PCDHA3: variants seen among roughly 807,000 people sequenced by gnomAD.
PCDHA3 encodes protocadherin alpha-3.
PCDHA3 carries 41 observed loss-of-function variants against 62.2 expected under a neutral mutation model. That is an observed-to-expected ratio of 0.66 (90% confidence interval 0.51 to 0.86). PCDHA3 has a LOEUF of 0.86. Among genes scored for constraint, PCDHA3 ranks in the 40% least tolerant of loss-of-function variants. The probability of loss-of-function intolerance (pLI) is 0.00; values close to 1 mark genes in which losing one functional copy is unlikely to be tolerated. For synonymous variants in PCDHA3, 640 were observed against 555.4 expected, an observed-to-expected ratio of 1.15 and a Z score of -2.14; for missense variants, 1,304 against 1,241.2, an observed-to-expected ratio of 1.05 and a Z score of -0.76.
chr5:140,993,408 A>G (rs985721464), intron 3 of PCDHA3, among the ~76,000 whole-genome samples: 1 of 150,930 alleles, frequency 6.6e-6, no homozygotes, highest in African/African-American at 2.4e-5. Flanking sequence ...AACCACCTTC[A>G]TCAGCATTTC....
intron 1 of PCDHA3, among the ~76,000 whole-genome samples, chr5:140,941,208 T>TTCCTTTCTTTCTTTCTTTCTTTCG (rs2092839762): frequency 9.1e-6 from 1 of 109,450 alleles, no homozygotes; most frequent in Non-Finnish European, 2.0e-5. Context: ...TCTTCCTTTC[T>TTCCTTTCTTTCTTTCTTTCTTTCG]TTCTTCCTTT....
At chr5:140,872,270 T>G (rs1246364406) in intron 1 of PCDHA3, among the ~76,000 whole-genome samples, 1 of 152,172 alleles carries the variant, frequency 6.6e-6, no homozygotes, top group African/African-American at 2.4e-5. Context: ...TCATATTGTT[T>G]GAAGAAAAAA....
rs148598290 is a variant in PCDHA3, at chr5:140,857,464, C to G, written c.2394+53873C>G. 181 of 1,598,526 alleles carry G rather than the reference C, an allele frequency of 1.1e-4. 14 individuals carry two copies. Among genetic ancestry groups the G allele is most frequent in the Non-Finnish European group, 1.1e-4 (129 of 1,167,932 alleles). On this transcript the variant is annotated intron_variant, in intron 1 of 3. Transcript: ENST00000522353. ...AGGAGAACAACCCGCCAGGCTGCCA[C>G]ATCTTCACGGTGTCTGCGTGGGACG...
At chr5:140,837,012 C>T in intron 1 of PCDHA3, 1 of 303,606 alleles carries the variant, frequency 3.3e-6, no homozygotes, top group South Asian at 7.9e-5. Context: ...AATGGATTCA[C>T]CTTTCTTCTA....
At chr5:140,875,395 GT>G in intron 1 of PCDHA3, 1 of 1,478,260 alleles carries the variant, frequency 6.8e-7, no homozygotes, top group African/African-American at 1.4e-5. Context: ...ACAGAAAAGG[GT>G]GACTGCTCAT....
At chr5:140,871,116 C>T (rs200344692) in intron 1 of PCDHA3, 44 of 1,613,146 alleles carry the variant, frequency 2.7e-5, no homozygotes, top group Non-Finnish European at 3.6e-5. Flanking sequence ...TGGTGGAGAG[C>T]GGACAGGCGC....
At chr5:140,959,428 A>AT (rs2095488424) in intron 1 of PCDHA3, among the ~76,000 whole-genome samples, 1 of 152,102 alleles carries the variant, frequency 6.6e-6, no homozygotes, top group Non-Finnish European at 1.5e-5. Context: ...GAATTTGTGT[A>AT]TTTTTTTCTA....
chr5:141,003,540 T>A (rs2098129225), intron 3 of PCDHA3, among the ~76,000 whole-genome samples: 1 of 152,188 alleles, frequency 6.6e-6, no homozygotes, highest in Non-Finnish European at 1.5e-5. Flanking sequence ...CTTGAACTCC[T>A]GGCTTCAAGT....
At chr5:140,932,192 T>C (rs1359260162) in intron 1 of PCDHA3, among the ~76,000 whole-genome samples, 4 of 151,968 alleles carry the variant, frequency 2.6e-5, no homozygotes, top group African/African-American at 9.6e-5. Context: ...GTCCATTTTT[T>C]TCTGTTAATA....
At chr5:140,916,273 G>C (rs962847536) in intron 1 of PCDHA3, among the ~76,000 whole-genome samples, 7 of 152,176 alleles carry the variant, frequency 4.6e-5, no homozygotes, top group African/African-American at 1.7e-4. Flanking sequence ...CATGCTTGTT[G>C]CTCTACTCCA....
At chr5:140,975,784 A>G (rs1216156931) in intron 1 of PCDHA3, among the ~76,000 whole-genome samples, 1 of 151,914 alleles carries the variant, frequency 6.6e-6, no homozygotes, top group Non-Finnish European at 1.5e-5. Flanking sequence ...CCATTACAAG[A>G]TAAATTAAAT....
At chr5:140,870,465 C>T (rs781918898) in intron 1 of PCDHA3, 1 of 1,614,208 alleles carries the variant, frequency 6.2e-7, no homozygotes, top group Non-Finnish European at 8.5e-7. Context: ...CGCCTGCGTT[C>T]GCACAGCCCG....
rs782779617 is a variant in PCDHA3 at position 140,857,239 on chromosome 5, G to C, written c.2394+53648G>C. On this transcript the variant is annotated intron_variant, in intron 1 of 3. Coordinates refer to ENST00000522353, the MANE Select transcript of PCDHA3 (RefSeq NM_018906.3). ...CGCCTCACGTTCCGTTCAAGCTGGT[G>C]TCCACCTACAAGAATTACTACTCAT... is the stretch of plus-strand genomic sequence containing the variant. The C allele has an allele frequency of 6.9e-6, 11 of 1,598,550 alleles. 2 individuals carry two copies. The highest frequency in any genetic ancestry group is 7.7e-6 in the Non-Finnish European group (9 of 1,167,946).
chr5:140,972,623 T>C (rs1554234256), intron 1 of PCDHA3, among the ~76,000 whole-genome samples: 1 of 151,938 alleles, frequency 6.6e-6, no homozygotes, highest in African/African-American at 2.4e-5. Context: ...TGAATGTTGT[T>C]GGCACTCCCT....
chr5:140,852,214 AT>A lies in PCDHA3; in HGVS notation c.2394+48627del, dbSNP rs1374970785. 2.5e-5 allele frequency: 16 copies of A among 644,870 alleles called. No individual in the cohort carries two copies. The South Asian group carries it at 1.1e-3, about 44-fold the overall frequency. The allele number at this position is 644,870 out of a possible 1,614,324, so 39.9% of individuals were successfully genotyped here. A position where few individuals can be genotyped will look rare whatever the true frequency, so the allele number is the denominator to read the frequency against. On this transcript the variant is annotated intron_variant, in intron 1 of 3. Transcript: ENST00000522353. ...CAGTAACGTTTATTTAAAACAAAAT[AT>A]TTTAATTTTTAAATTTTCCCTTAAA... is the stretch of plus-strand genomic sequence containing the variant.
chr5:140,891,782 T>C (rs574840881), intron 1 of PCDHA3, among the ~76,000 whole-genome samples: 1 of 152,284 alleles, frequency 6.6e-6, no homozygotes, highest in African/African-American at 2.4e-5. Flanking sequence ...AGGAAATGTT[T>C]AGATTATGAG....
At chr5:140,815,322 T>C (rs2126663063) in intron 1 of PCDHA3, 6 of 152,124 alleles carry the variant, frequency 3.9e-5, no homozygotes, top group African/African-American at 1.4e-4. Flanking sequence ...ATGCTATGTT[T>C]TTGTTCCTTT....
chr5:140,831,497 A>G (rs1771562992), intron 1 of PCDHA3, among the ~76,000 whole-genome samples: 2 of 106,812 alleles, frequency 1.9e-5, no homozygotes, highest in Non-Finnish European at 3.8e-5. Context: ...GTTACTACAC[A>G]CGAGCACCAC....
intron 1 of PCDHA3, among the ~76,000 whole-genome samples, chr5:140,951,383 G>A (rs782698893): frequency 1.2e-4 from 19 of 152,064 alleles, no homozygotes; most frequent in Non-Finnish European, 2.6e-4. Flanking sequence ...CCAAGACTCG[G>A]TAATTTATAA....
Sources: allele counts gnomAD v4.1 joint callset (sites outside exome capture counted in the v4.1 genomes callset), GRCh38; gene constraint gnomAD v4.1.1; transcripts MANE v1.5; gene names NCBI Gene and HGNC (gene_info 2026-07-23, HGNC 2026-07-21).